DTNA: variants seen among roughly 807,000 people sequenced by gnomAD.
DTNA encodes dystrophin-related protein 3.
DTNA carries 43 observed loss-of-function variants against 100.7 expected under a neutral mutation model. The ratio of observed to expected loss-of-function variants is 0.43; its 90% CI spans 0.33 to 0.55. The LOEUF (loss-of-function observed/expected upper bound fraction) is 0.55, where lower values mean the gene tolerates loss of function less well. Among genes scored for constraint, DTNA ranks in the 20% least tolerant of loss-of-function variants. The pLI is 0.04. For missense variants in DTNA, 798 were observed against 953.9 expected, an observed-to-expected ratio of 0.84 and a Z score of 2.15; for synonymous variants, 349 against 347.9, an observed-to-expected ratio of 1.00 and a Z score of -0.04.
At chr18:34,832,666 G>A (rs557360233) in intron 11 of DTNA, among the ~76,000 whole-genome samples, 1 of 152,220 alleles carries the variant, frequency 6.6e-6, no homozygotes, top group South Asian at 2.1e-4. Context: ...AGCCTGAATT[G>A]ATGACAGCTA....
intron 1 of DTNA, among the ~76,000 whole-genome samples, chr18:34,744,649 G>A (rs933795461): frequency 6.6e-6 from 1 of 152,126 alleles, no homozygotes; most frequent in Non-Finnish European, 1.5e-5. Flanking sequence ...AAAATGGGAG[G>A]AATGCAGAGG....
chr18:34,617,721 T>A (rs1411574252), intron 1 of DTNA, among the ~76,000 whole-genome samples: 2 of 152,228 alleles, frequency 1.3e-5, no homozygotes, highest in Admixed American at 1.3e-4. Context: ...TTTACATGTC[T>A]GGTAGAAGTC....
At chr18:34,721,534 C>T (rs553056475) in intron 1 of DTNA, among the ~76,000 whole-genome samples, 4 of 152,186 alleles carry the variant, frequency 2.6e-5, no homozygotes, top group East Asian at 1.9e-4. Flanking sequence ...AAAAACGTGA[C>T]GCAGTTCTTT....
chr18:34,663,874 A>G (rs2075544733), intron 1 of DTNA, among the ~76,000 whole-genome samples: 1 of 152,214 alleles, frequency 6.6e-6, no homozygotes, highest in Non-Finnish European at 1.5e-5. Context: ...AATAATACGT[A>G]AACATTTGGA....
chr18:34,817,910 A>G, intron 7 of DTNA: 2 of 1,303,310 alleles, frequency 1.5e-6, no homozygotes, highest in Non-Finnish European at 2.0e-6. Flanking sequence ...GAAAGAGCAA[A>G]TGGCATTACA....
At position 34,889,285 on chromosome 18, in the gene DTNA, G is replaced by A. The variant is rs151249058; in HGVS notation, c.*1551G>A. The A allele has an allele frequency of 5.1e-4, 497 of 983,922 alleles. 3 individuals carry two copies. The African/African-American group carries it at 6.8e-3, about 13-fold the overall frequency. The allele number at this position is 983,922 out of a possible 1,614,324, so 60.9% of individuals were successfully genotyped here. On this transcript the variant is annotated 3_prime_UTR_variant, in exon 23 of 23. Coordinates refer to ENST00000444659, the MANE Select transcript of DTNA (RefSeq NM_001386795.1). ...GGACAAGCAGCATCTGCAACACTTA[G>A]GAAGGTCTTCGAAATACTAATTTGT... is the stretch of plus-strand genomic sequence containing the variant.
At chr18:34,787,681 G>T (rs2094555833) in intron 3 of DTNA, among the ~76,000 whole-genome samples, 1 of 152,096 alleles carries the variant, frequency 6.6e-6, no homozygotes, top group South Asian at 2.1e-4. Flanking sequence ...AGTGCAAGAT[G>T]TCAGAAAACA....
intron 1 of DTNA, among the ~76,000 whole-genome samples, chr18:34,674,988 A>G (rs951962962): frequency 6.6e-6 from 1 of 152,162 alleles, no homozygotes; most frequent in Non-Finnish European, 1.5e-5. Context: ...ATAGAGTTGG[A>G]GGAAGCTTCA....
chr18:34,503,794 G>A (rs1179414037), intron 1 of DTNA, among the ~76,000 whole-genome samples: 2 of 149,860 alleles, frequency 1.3e-5, no homozygotes, highest in Non-Finnish European at 3.0e-5. Flanking sequence ...ACTTCTATAT[G>A]TATAGTGTTT....
intron 1 of DTNA, among the ~76,000 whole-genome samples, chr18:34,562,230 A>G (rs561681524): frequency 2.0e-5 from 3 of 152,352 alleles, no homozygotes; most frequent in Non-Finnish European, 2.9e-5. Flanking sequence ...ATAAATACAC[A>G]CACATACATC....
At chr18:34,594,119 T>C (rs2050095724) in intron 1 of DTNA, among the ~76,000 whole-genome samples, 1 of 151,762 alleles carries the variant, frequency 6.6e-6, no homozygotes, top group Non-Finnish European at 1.5e-5. Context: ...TCTCATTAAT[T>C]CCAAGCAGGT....
At chr18:34,529,067 A>G (rs1237862707) in intron 1 of DTNA, among the ~76,000 whole-genome samples, 2 of 152,128 alleles carry the variant, frequency 1.3e-5, no homozygotes, top group African/African-American at 2.4e-5. Context: ...ATAAACAGCA[A>G]AATTAGTGGA....
chr18:34,760,622 C>G (rs1295706879), intron 2 of DTNA, among the ~76,000 whole-genome samples: 1 of 152,192 alleles, frequency 6.6e-6, no homozygotes, highest in East Asian at 1.9e-4. Flanking sequence ...TACCTATCAT[C>G]CCTGCCAAGG....
At chr18:34,813,739 G>C (rs939800906) in intron 6 of DTNA, among the ~76,000 whole-genome samples, 1 of 150,874 alleles carries the variant, frequency 6.6e-6, no homozygotes, top group Non-Finnish European at 1.5e-5. Context: ...TGTAGTCCCA[G>C]CTAGAAGCAG....
At chr18:34,818,558 A>G (rs2149415995) in intron 8 of DTNA, 11 of 1,404,042 alleles carry the variant, frequency 7.8e-6, no homozygotes, top group South Asian at 4.4e-5. Context: ...ACTCAAAACT[A>G]TGTTACTTCT....
At position 34,890,257 on chromosome 18, in the gene DTNA, A is replaced by T; in HGVS notation, c.*2523A>T. ...GCAAGGACTCTGGAAACTGCCGCCA[A>T]TGACCAATTTCTGACTAACCAGCCA... On this transcript the variant is annotated 3_prime_UTR_variant, in exon 23 of 23. Coordinates refer to ENST00000444659, the MANE Select transcript of DTNA (RefSeq NM_001386795.1). The T allele has an allele frequency of 6.6e-7, 1 of 1,520,562 alleles. No individual in the cohort carries two copies. Among genetic ancestry groups the T allele is most frequent in the Non-Finnish European group, 8.8e-7 (1 of 1,137,772 alleles). 94.2% of individuals were successfully genotyped at this position (1,520,562 alleles called of 1,614,324 possible).
chr18:34,821,041 G>C, intron 9 of DTNA, 126 bp downstream of exon 9: 1 of 1,371,222 alleles, frequency 7.3e-7, no homozygotes. Context: ...AAAAAAAAAA[G>C]TCAGAGTAAT....
rs545074979 is a variant in DTNA at position 34,667,958 on chromosome 18, T to G, written c.-1-88018T>G. Among the ~76,000 whole-genome samples the G allele has an allele frequency of 3.5e-3, 527 of 152,282 alleles. 1 individual carries two copies. Among genetic ancestry groups the G allele is most frequent in the Middle Eastern group, 0.014 (4 of 294 alleles). On this transcript the variant is annotated intron_variant, in intron 1 of 19. Coordinates refer to the DTNA transcript ENST00000283365. The stretch of plus-strand genomic sequence containing the variant: ...GCCTCATAAAATGAGTTAGGGAGGA[T>G]TCCCTCTTTTTCTATTGATTGGAAT...
chr18:34,703,303 T>G (rs2081642274), intron 1 of DTNA, among the ~76,000 whole-genome samples: 2 of 152,192 alleles, frequency 1.3e-5, no homozygotes, highest in African/African-American at 4.8e-5. Flanking sequence ...CTTCCTAACT[T>G]GTATACTTAT....
Sources: allele counts gnomAD v4.1 joint callset (sites outside exome capture counted in the v4.1 genomes callset), GRCh38; gene constraint gnomAD v4.1.1; transcripts MANE v1.5; gene names NCBI Gene and HGNC (gene_info 2026-07-23, HGNC 2026-07-21).